The following USH2A variants were observed in gnomAD, a reference collection of about 807,000 sequenced individuals.
USH2A encodes usherin.
In USH2A, 443 loss-of-function variants were observed where a neutral mutation model predicts 538.9. The ratio of observed to expected loss-of-function variants is 0.82; its 90% CI spans 0.76 to 0.89. The LOEUF (loss-of-function observed/expected upper bound fraction) is 0.89, where lower values mean the gene tolerates loss of function less well. Ranked by LOEUF, USH2A falls within the 40% of genes least tolerant of loss-of-function variation. USH2A has a pLI of 0.00. For synonymous variants in USH2A, 2,413 were observed against 2,273.5 expected, an observed-to-expected ratio of 1.06 and a Z score of -1.75; for missense variants, 6,633 against 6,324.8, an observed-to-expected ratio of 1.05 and a Z score of -1.65.
chr1:215,822,158 G>T (rs1259820323), intron 47 of USH2A, among the ~76,000 whole-genome samples: 1 of 151,822 alleles, frequency 6.6e-6, no homozygotes, highest in Non-Finnish European at 1.5e-5. Context: ...TTTCTGTGAA[G>T]AATGTAATTG....
chr1:216,304,658 A>G (rs1481056856), intron 9 of USH2A, among the ~76,000 whole-genome samples: 1 of 151,920 alleles, frequency 6.6e-6, no homozygotes, highest in Non-Finnish European at 1.5e-5. Flanking sequence ...AATGCTATGA[A>G]CTTTCCTGTT....
At chr1:216,096,738 G>A (rs2032450074) in intron 22 of USH2A, among the ~76,000 whole-genome samples, 1 of 152,132 alleles carries the variant, frequency 6.6e-6, no homozygotes, top group Admixed American at 6.6e-5. Flanking sequence ...GACAGGGAAG[G>A]AAGAAAAGGG....
At chr1:215,636,971 C>T (rs892996503) in intron 69 of USH2A, among the ~76,000 whole-genome samples, 3 of 151,936 alleles carry the variant, frequency 2.0e-5, no homozygotes, top group Admixed American at 6.6e-5. Flanking sequence ...ATGAAGACCT[C>T]GAGATCAGGA....
At chr1:215,801,449 T>C (rs892839811) in intron 49 of USH2A, among the ~76,000 whole-genome samples, 1 of 147,676 alleles carries the variant, frequency 6.8e-6, no homozygotes, top group East Asian at 2.0e-4. Flanking sequence ...AGTATCAAGA[T>C]ACAAAGTCAG....
chr1:216,014,559 G>A (rs1344132731), intron 32 of USH2A, among the ~76,000 whole-genome samples: 1 of 152,220 alleles, frequency 6.6e-6, no homozygotes, highest in Non-Finnish European at 1.5e-5. Context: ...TAAATGGAGG[G>A]TGGGGAAACC....
intron 38 of USH2A, among the ~76,000 whole-genome samples, chr1:215,926,731 C>T (rs1339892616): frequency 6.9e-6 from 1 of 145,598 alleles, no homozygotes. Context: ...GATTCTCCTA[C>T]CCCAGCCTCC....
Position 216,421,899 on chromosome 1 carries a change from T to C in USH2A, c.438A>G (p.Ala146=), listed in dbSNP as rs2102788284. 1.2e-6 allele frequency: 2 copies of C among 1,613,994 alleles called. No individual in the cohort carries two copies. Among genetic ancestry groups the C allele is most frequent in the Non-Finnish European group, 1.7e-6 (2 of 1,179,912 alleles). The change falls in exon 2 of 72, where the codon GCA becomes GCG. Residue 146 remains alanine (A), a synonymous_variant. Coordinates refer to ENST00000307340, the MANE Select transcript of USH2A (RefSeq NM_206933.4). ...TCAGCCATACAGCTAAGGTAAATGA[T>C]GCCATCAGCTTTGGAGAAGGAGGAG... is the stretch of plus-strand genomic sequence containing the variant. ...FSSPPSPKLM[A]SFTLAVWLKP...
Position 216,199,982 on chromosome 1 carries a change from C to A in USH2A, c.3456G>T (p.Leu1152Phe). 1.2e-6 allele frequency: 2 copies of A among 1,614,078 alleles called. No homozygotes were observed. Among genetic ancestry groups the A allele is most frequent in the Non-Finnish European group, 1.7e-6 (2 of 1,179,994 alleles). Reference sequence around the variant, plus strand: ...CAATAGGAATGATATAACTTAAAGTCAAGTTTCCCTCTGGGACCCCTGGTT... The same window carrying A: ...CAATAGGAATGATATAACTTAAAGTAAAGTTTCCCTCTGGGACCCCTGGTT... ...KTKPGVPEGN[L>F]TLSYIIPIGS... Residue 1152 changes from leucine (L) to phenylalanine (F), a missense_variant, in exon 17 of 72, where the codon TTG becomes TTT. Leu to Phe is a conservative substitution (Grantham distance 22). Coordinates refer to ENST00000307340, the MANE Select transcript of USH2A (RefSeq NM_206933.4).
chr1:216,326,022 T>C (rs1237192421), intron 5 of USH2A, among the ~76,000 whole-genome samples: 3 of 152,274 alleles, frequency 2.0e-5, no homozygotes, highest in South Asian at 2.1e-4. Context: ...AGTTCATCCA[T>C]GGGAAAGAAG....
chr1:215,776,097 T>C (rs1661452595), intron 55 of USH2A, among the ~76,000 whole-genome samples: 2 of 152,224 alleles, frequency 1.3e-5, no homozygotes. Flanking sequence ...CTACGTATAA[T>C]GTAGAGGTAG....
intron 35 of USH2A, among the ~76,000 whole-genome samples, chr1:215,981,704 G>T (rs988513402): frequency 6.6e-6 from 1 of 152,130 alleles, no homozygotes; most frequent in East Asian, 1.9e-4. Flanking sequence ...CTATCTACTA[G>T]TCCAAGCACC....
intron 55 of USH2A, among the ~76,000 whole-genome samples, chr1:215,768,232 C>A (rs1028945476): frequency 6.6e-6 from 1 of 152,136 alleles, no homozygotes; most frequent in African/African-American, 2.4e-5. Context: ...TTTGCTGTGT[C>A]TCTTGCTTAT....
chr1:215,757,398 T>C (rs574884731), intron 58 of USH2A, among the ~76,000 whole-genome samples: 2 of 152,304 alleles, frequency 1.3e-5, no homozygotes, highest in East Asian at 3.9e-4. Flanking sequence ...AGTACCTGTT[T>C]TGACTGTTCA....
chr1:216,226,160 GT>G (rs1572067519), intron 14 of USH2A, among the ~76,000 whole-genome samples: 1 of 152,166 alleles, frequency 6.6e-6, no homozygotes, highest in Non-Finnish European at 1.5e-5. Flanking sequence ...TCATAAATCA[GT>G]TTTATTTTTG....
chr1:216,128,997 C>T (rs1028773466), intron 21 of USH2A, among the ~76,000 whole-genome samples: 1 of 151,942 alleles, frequency 6.6e-6, no homozygotes, highest in Admixed American at 6.6e-5. Flanking sequence ...TGAGGGAGAA[C>T]ATGCAATATG....
intron 38 of USH2A, among the ~76,000 whole-genome samples, chr1:215,902,326 T>A (rs1470042983): frequency 6.6e-6 from 1 of 152,176 alleles, no homozygotes; most frequent in Non-Finnish European, 1.5e-5. Flanking sequence ...TGACCAGTGA[T>A]GAGAACAGAA....
chr1:216,157,816 G>C (rs571471257), intron 21 of USH2A, among the ~76,000 whole-genome samples: 2 of 152,236 alleles, frequency 1.3e-5, no homozygotes, highest in Admixed American at 1.3e-4. Context: ...GGAGGGAGGG[G>C]ACTGTAATTG....
intron 64 of USH2A, among the ~76,000 whole-genome samples, chr1:215,669,390 C>G (rs980220739): frequency 2.6e-5 from 4 of 152,150 alleles, no homozygotes; most frequent in African/African-American, 9.7e-5. Flanking sequence ...GTATTTTGTT[C>G]CTTTATGACA....
chr1:216,368,141 T>G (rs2102712914), intron 3 of USH2A, among the ~76,000 whole-genome samples: 1 of 152,174 alleles, frequency 6.6e-6, no homozygotes, highest in Non-Finnish European at 1.5e-5. Context: ...TTTTAACCAC[T>G]TTTTTGGTCA....
Sources: allele counts gnomAD v4.1 joint callset (sites outside exome capture counted in the v4.1 genomes callset), GRCh38; gene constraint gnomAD v4.1.1; transcripts MANE v1.5; gene names NCBI Gene and HGNC (gene_info 2026-07-23, HGNC 2026-07-21).